The following PRKCE variants were observed in gnomAD, a reference collection of about 807,000 sequenced individuals.
The protein encoded by PRKCE is protein kinase C epsilon type.
In PRKCE, 16 loss-of-function variants were observed where a neutral mutation model predicts 85.4. That is an observed-to-expected ratio of 0.19 (90% CI 0.13 to 0.28). PRKCE has a LOEUF of 0.28. Among genes scored for constraint, PRKCE ranks in the 10% least tolerant of loss-of-function variants. The probability of loss-of-function intolerance (pLI) is 1.00; values close to 1 mark genes in which losing one functional copy is unlikely to be tolerated. For missense variants in PRKCE, 573 were observed against 975.2 expected, an observed-to-expected ratio of 0.59 and a Z score of 5.49; for synonymous variants, 388 against 371.5, an observed-to-expected ratio of 1.04 and a Z score of -0.51.
chr2:45,953,754 T>A (rs1700787147), intron 2 of PRKCE, among the ~76,000 whole-genome samples: 1 of 152,182 alleles, frequency 6.6e-6, no homozygotes, highest in Admixed American at 6.5e-5. Flanking sequence ...GAAGAGATTG[T>A]GATTCAGTTG....
At chr2:46,016,395 G>T (rs547512581) in intron 10 of PRKCE, among the ~76,000 whole-genome samples, 2 of 152,206 alleles carry the variant, frequency 1.3e-5, no homozygotes, top group East Asian at 3.9e-4. Flanking sequence ...TGGTTTCCAC[G>T]ATCAAGCAAG....
chr2:45,965,774 C>T (rs544211555), intron 2 of PRKCE, among the ~76,000 whole-genome samples: 25 of 152,120 alleles, frequency 1.6e-4, no homozygotes, highest in Admixed American at 3.9e-4. Context: ...TGCTTATATG[C>T]GTTTGAGTGT....
At chr2:45,666,340 G>A (rs1197913574) in intron 1 of PRKCE, among the ~76,000 whole-genome samples, 1 of 151,846 alleles carries the variant, frequency 6.6e-6, no homozygotes, top group Admixed American at 6.6e-5. Context: ...CGGTTGCTCA[G>A]AACCCACCAT....
intron 11 of PRKCE, among the ~76,000 whole-genome samples, chr2:46,087,790 G>C (rs1332884935): frequency 6.6e-6 from 1 of 152,182 alleles, no homozygotes; most frequent in Non-Finnish European, 1.5e-5. Flanking sequence ...GCTGCATTCT[G>C]TTCTGCAGTT....
intron 1 of PRKCE, among the ~76,000 whole-genome samples, chr2:45,804,400 T>A (rs1296538272): frequency 1.3e-5 from 2 of 152,204 alleles, no homozygotes; most frequent in Non-Finnish European, 2.9e-5. Flanking sequence ...GACCTGGGCA[T>A]GCCGAGTCGA....
chr2:46,101,349 G>A (rs1424268470), intron 11 of PRKCE, among the ~76,000 whole-genome samples: 1 of 152,166 alleles, frequency 6.6e-6, no homozygotes, highest in Admixed American at 6.5e-5. Flanking sequence ...AAAAAGTCAA[G>A]GAAGGCTTTC....
rs562656041 is a variant in PRKCE at position 45,907,136 on chromosome 2, G to T, written c.412+64073G>T. Among the ~76,000 whole-genome samples the T allele has an allele frequency of 2.0e-5, 3 of 152,280 alleles. No individual in the cohort carries two copies. Among genetic ancestry groups the T allele is most frequent in the Non-Finnish European group, 2.9e-5 (2 of 68,034 alleles). On this transcript the variant is annotated intron_variant, in intron 2 of 14. Transcript: ENST00000306156. The surrounding 1 kb of genome is among the most constrained non-coding windows in gnomAD (Gnocchi z 4.5). ...CATGTTAAATTTCTGAGGAGCAAAG[G>T]TAAAATGCCAGGATTGCTGACATGA...
intron 1 of PRKCE, among the ~76,000 whole-genome samples, chr2:45,746,737 C>T (rs1311796665): frequency 6.6e-6 from 1 of 152,178 alleles, no homozygotes; most frequent in African/African-American, 2.4e-5. Context: ...TTTTACTTAG[C>T]ATAATTTTAC....
At chr2:45,657,607 G>C (rs1675438306) in intron 1 of PRKCE, among the ~76,000 whole-genome samples, 1 of 152,138 alleles carries the variant, frequency 6.6e-6, no homozygotes, top group South Asian at 2.1e-4. Flanking sequence ...GAGAAAGCTA[G>C]GTTTTCATAT....
intron 10 of PRKCE, among the ~76,000 whole-genome samples, chr2:46,065,484 AAC>A (rs1667552641): frequency 6.6e-6 from 1 of 152,236 alleles, no homozygotes; most frequent in African/African-American, 2.4e-5. Flanking sequence ...TCAGAAAAAG[AAC>A]ACAACAATTT....
At chr2:45,989,663 G>C (rs202165625) in intron 6 of PRKCE, among the ~76,000 whole-genome samples, 1 of 133,014 alleles carries the variant, frequency 7.5e-6, no homozygotes, top group African/African-American at 2.8e-5. Flanking sequence ...AAAAAAAAAA[G>C]TATTTTGGAT....
chr2:45,658,607 G>T (rs746582544), intron 1 of PRKCE, among the ~76,000 whole-genome samples: 1 of 152,192 alleles, frequency 6.6e-6, no homozygotes, highest in East Asian at 1.9e-4. Flanking sequence ...TGGAAATGTC[G>T]TAGGTCTTGA....
chr2:46,153,563 T>A (rs1382975039), intron 13 of PRKCE, among the ~76,000 whole-genome samples: 1 of 152,076 alleles, frequency 6.6e-6, no homozygotes. Flanking sequence ...GAGGTTTCAG[T>A]CAGGTGGCTA....
intron 10 of PRKCE, among the ~76,000 whole-genome samples, chr2:46,060,138 A>C (rs970486796): frequency 6.6e-6 from 1 of 152,232 alleles, no homozygotes; most frequent in Non-Finnish European, 1.5e-5. Flanking sequence ...ACCTCAGTGT[A>C]TATCTTTGGC....
chr2:45,800,976 C>T (rs140904415), intron 1 of PRKCE, among the ~76,000 whole-genome samples: 1 of 152,206 alleles, frequency 6.6e-6, no homozygotes, highest in African/African-American at 2.4e-5. Context: ...GCAGCAGTTG[C>T]CTGGGAAAGA....
At chr2:45,872,790 G>C (rs1461768493) in intron 2 of PRKCE, among the ~76,000 whole-genome samples, 1 of 152,228 alleles carries the variant, frequency 6.6e-6, no homozygotes, top group Non-Finnish European at 1.5e-5. Flanking sequence ...TTTCAAATTT[G>C]AGATGTCTAG....
intron 2 of PRKCE, among the ~76,000 whole-genome samples, chr2:45,886,284 C>G (rs182583634): frequency 1.6e-3 from 247 of 152,312 alleles, no homozygotes; most frequent in African/African-American, 5.7e-3. Context: ...CTAACCCACT[C>G]CCACTCTGAG....
At chr2:46,116,498 A>G (rs569793271) in intron 11 of PRKCE, among the ~76,000 whole-genome samples, 1 of 152,360 alleles carries the variant, frequency 6.6e-6, no homozygotes, top group Non-Finnish European at 1.5e-5. Context: ...GTCACTGTTG[A>G]CACTTTGAAT....
intron 4 of PRKCE, among the ~76,000 whole-genome samples, chr2:45,979,867 C>A (rs13390160): frequency 6.6e-6 from 1 of 152,146 alleles, no homozygotes; most frequent in Non-Finnish European, 1.5e-5. Flanking sequence ...AGCCTCAGAA[C>A]CTCTGCACCG....
Sources: gnomAD v4.1 joint callset for allele counts (sites outside exome capture counted in the v4.1 genomes callset) on GRCh38, gnomAD v4.1.1 for gene constraint, Gnocchi (gnomAD v3.1) non-coding constraint, MANE v1.5 for transcripts, NCBI Gene and HGNC (gene_info 2026-07-23, HGNC 2026-07-21) for gene names.